Variants in CDCA5 observed in about 807,000 individuals in gnomAD.
CDCA5 encodes the protein sororin.
CDCA5 carries 14 observed loss-of-function variants against 25.7 expected under a neutral mutation model. The ratio of observed to expected loss-of-function variants is 0.54; its 90% CI spans 0.36 to 0.85. CDCA5 has a LOEUF of 0.85. Ranked by LOEUF, CDCA5 falls within the 40% of genes least tolerant of loss-of-function variation. CDCA5 has a pLI of 0.01. For missense variants in CDCA5, 307 were observed against 324.5 expected (o/e 0.95, Z 0.41); for synonymous variants, 127 against 128.7 (o/e 0.99, Z 0.09).
intron 4 of CDCA5, 31 bp from the exon 5 acceptor site, chr11:65,079,818 A>C: frequency 7.0e-7 from 1 of 1,435,016 alleles, no homozygotes; most frequent in Non-Finnish European, 9.2e-7. Context: ...GGATGCCCTC[A>C]ATACTTAGCT....
chr11:65,082,674 C>T (rs1365263779), intron 4 of CDCA5, among the ~76,000 whole-genome samples: 1 of 152,008 alleles, frequency 6.6e-6, no homozygotes, highest in Non-Finnish European at 1.5e-5. Context: ...GTTGGCCAGG[C>T]TGGTCTTAAA....
chr11:65,083,590 G>A (rs774063691), intron 2 of CDCA5, 39 bp downstream of exon 2: 1 of 1,614,202 alleles, frequency 6.2e-7, no homozygotes, highest in South Asian at 1.1e-5. Context: ...CATTAGGTGA[G>A]GGGCCACAAG....
At chr11:65,061,914 A>ATTT (rs35836447), downstream of CDCA5, among the ~76,000 whole-genome samples, 2,382 of 82,244 alleles carry the variant, frequency 0.029, 115 homozygotes, top group African/African-American at 0.051. Context: ...CAGCTGCCTA[A>ATTT]TTTTTTTTTT....
downstream of CDCA5, among the ~76,000 whole-genome samples, chr11:65,065,800 T>A (rs537154902): frequency 6.6e-6 from 1 of 151,864 alleles, no homozygotes; most frequent in Admixed American, 6.6e-5. Flanking sequence ...GAGGTGAAAC[T>A]CAAAATCGAT....
In CDCA5 at chr11:65,078,747, G is replaced by A. The variant is rs1223744959; in HGVS notation, c.*360C>T. 1.9e-6 allele frequency: 2 copies of A among 1,037,126 alleles called. No homozygotes were observed. The highest frequency in any genetic ancestry group is 7.6e-5 in the East Asian group (1 of 13,222). The allele number at this position is 1,037,126 out of a possible 1,614,324, so 64.2% of individuals were successfully genotyped here. A position where few individuals can be genotyped will look rare whatever the true frequency, so the allele number is the denominator to read the frequency against. On this transcript the variant is annotated 3_prime_UTR_variant, in exon 6 of 6. Coordinates refer to ENST00000275517, the MANE Select transcript of CDCA5 (RefSeq NM_080668.4). ...TCCAAGCAGCCACCCCTCCCAACAA[G>A]AGCAGAGGTGCCTCTCACCTCAACC... is the stretch of plus-strand genomic sequence containing the variant.
rs1947486303 is a variant in CDCA5, at chr11:65,078,269, CAG to C, written c.*836_*837del. ...GAGGGGCCACCTTCCACCCCTGCAGCAGAGTGGTAAGACTCCAGCGTGGGCCC... is the reference window on the plus strand; with the variant it reads ...GAGGGGCCACCTTCCACCCCTGCAGCAGTGGTAAGACTCCAGCGTGGGCCC... On this transcript the variant is annotated 3_prime_UTR_variant, in exon 6 of 6. Coordinates refer to ENST00000275517, the MANE Select transcript of CDCA5 (RefSeq NM_080668.4). 1 of 985,322 alleles carries C rather than the reference CAG, an allele frequency of 1.0e-6. No homozygotes were observed. Among genetic ancestry groups the C allele is most frequent in the African/African-American group, 1.7e-5 (1 of 57,202 alleles). 61.0% of individuals were successfully genotyped at this position (985,322 alleles called of 1,614,324 possible).
chr11:65,067,924 G>A (rs1947270461), intron 3 of CDCA5: 1 of 901,328 alleles, frequency 1.1e-6, no homozygotes, highest in Admixed American at 2.4e-5. Context: ...GTTTCTGGGT[G>A]TGGGGTGGGG....
chr11:65,066,234 T>G (rs1947233148), downstream of CDCA5: 1 of 689,228 alleles, frequency 1.5e-6, no homozygotes, highest in African/African-American at 1.9e-5. Flanking sequence ...GAGCTCAGTG[T>G]GGACGTGGTG....
At chr11:65,081,586 G>A (rs914190675) in intron 4 of CDCA5, among the ~76,000 whole-genome samples, 24 of 152,098 alleles carry the variant, frequency 1.6e-4, no homozygotes, top group Non-Finnish European at 2.8e-4. Context: ...TGGCTACTAG[G>A]AAAGGCAGAA....
Position 65,083,354 on chromosome 11 carries a change from G to A in CDCA5, c.243+10C>T, listed in dbSNP as rs199992320. 1,763 of 1,614,122 alleles carry A rather than the reference G, an allele frequency of 1.1e-3. 1 individual carries two copies. Among genetic ancestry groups the A allele is most frequent in the Non-Finnish European group, 1.4e-3 (1,595 of 1,179,962 alleles). ...ATTCTACTTAATTAAGTAGATGAAA[G>A]TGAACTCACCCTAGGGCTCCTGCGA... On this transcript the variant is annotated intron_variant, in intron 4 of 5. Transcript: ENST00000275517.
At chr11:65,068,353 G>A (rs573353551) in intron 2 of CDCA5, 111 of 504,816 alleles carry the variant, frequency 2.2e-4, no homozygotes, top group South Asian at 2.0e-3. Context: ...CAGGAGCTGG[G>A]CCTGGACGCC....
chr11:65,066,307 C>G (rs571036601), downstream of CDCA5: 58 of 1,159,096 alleles, frequency 5.0e-5, no homozygotes, highest in Non-Finnish European at 6.1e-5. Flanking sequence ...AGCTTAGCTT[C>G]CAAGTTTATT....
At position 65,084,017 on chromosome 11, in the gene CDCA5, C is replaced by T. The variant is rs1947638117; in HGVS notation, c.-39G>A. ...TCTCGAGCTCCTCCAGCGCCGCCGC[C>T]CCGGGCGCGCGCCAACCGGGAAGGC... On this transcript the variant is annotated 5_prime_UTR_variant, in exon 1 of 6. Transcript: ENST00000275517. 6.3e-7 allele frequency: 1 copy of T among 1,589,546 alleles called. No individual in the cohort carries two copies.
chr11:65,066,244 G>A (rs552265019), downstream of CDCA5: 45 of 837,452 alleles, frequency 5.4e-5, 1 homozygote, highest in South Asian at 2.4e-4. Flanking sequence ...TGGACGTGGT[G>A]ACCTCCTGCT....
chr11:65,079,643 C>G lies in CDCA5; in HGVS notation c.388G>C (p.Glu130Gln), dbSNP rs1238277384. 6.2e-7 allele frequency: 1 copy of G among 1,607,872 alleles called. No homozygotes were observed. Among genetic ancestry groups the G allele is most frequent in the African/African-American group, 1.3e-5 (1 of 74,706 alleles). The stretch of plus-strand genomic sequence containing the variant: ...ATTTCCAAGTCTCTGGCGTCCAGCT[C>G]TCCTTCCTTGGAGCTGGACTCGGCC... ...PEAESSSKEG[E>Q]LDARDLEMSK... Residue 130 changes from glutamate to glutamine, a missense_variant, in exon 5 of 6, where the codon GAG becomes CAG. Transcript: ENST00000275517.
intron 1 of CDCA5, chr11:65,068,682 G>T: frequency 1.2e-6 from 1 of 844,120 alleles, no homozygotes; most frequent in African/African-American, 1.8e-5. Context: ...GTTTTTAGGG[G>T]GCGGCTTCCA....
At chr11:65,074,168 G>T (rs886449186), downstream of CDCA5, among the ~76,000 whole-genome samples, 1 of 152,148 alleles carries the variant, frequency 6.6e-6, no homozygotes, top group African/African-American at 2.4e-5. Context: ...CACCTCCTGG[G>T]TTCAAGCCAT....
downstream of CDCA5, among the ~76,000 whole-genome samples, chr11:65,061,546 G>A (rs975079151): frequency 1.3e-5 from 2 of 152,128 alleles, no homozygotes; most frequent in African/African-American, 2.4e-5. Context: ...AGGCGGAGAC[G>A]TGCGGATCAT....
exon 3 of CDCA5, chr11:65,068,104 T>C: frequency 6.2e-6 from 8 of 1,289,288 alleles, no homozygotes; most frequent in Non-Finnish European, 8.1e-6. Context: ...GTTCCAGTTG[T>C]TCTGAGGAAG....
Sources: gnomAD v4.1 joint callset for allele counts (sites outside exome capture counted in the v4.1 genomes callset) on GRCh38, gnomAD v4.1.1 for gene constraint, MANE v1.5 for transcripts, NCBI Gene and HGNC (gene_info 2026-07-23, HGNC 2026-07-21) for gene names.